The following FAM184A variants were observed in gnomAD, a reference collection of about 807,000 sequenced individuals.
FAM184A encodes the protein protein FAM184A.
A neutral mutation model predicts 143.8 loss-of-function variants in FAM184A; 99 were observed. The ratio of observed to expected loss-of-function variants is 0.69; its 90% CI spans 0.58 to 0.81. FAM184A has a LOEUF of 0.81. Among genes scored for constraint, FAM184A ranks in the 40% least tolerant of loss-of-function variants. The probability of loss-of-function intolerance (pLI) is 0.00; values close to 1 mark genes in which losing one functional copy is unlikely to be tolerated. For synonymous variants in FAM184A, 427 were observed against 446.4 expected, an observed-to-expected ratio of 0.96 and a Z score of 0.55; for missense variants, 1,217 against 1,310.5, an observed-to-expected ratio of 0.93 and a Z score of 1.10.
intron 1 of FAM184A, among the ~76,000 whole-genome samples, chr6:119,110,866 C>T (rs1232196314): frequency 1.3e-5 from 2 of 152,180 alleles, no homozygotes; most frequent in Non-Finnish European, 2.9e-5. Context: ...CAAAATTTAA[C>T]GCAGTAAAAA....
At chr6:119,133,874 C>G (rs1248770968) in intron 1 of FAM184A, among the ~76,000 whole-genome samples, 1 of 151,656 alleles carries the variant, frequency 6.6e-6, no homozygotes, top group Non-Finnish European at 1.5e-5. Flanking sequence ...CCAGGCTTGT[C>G]TCAAACTCAA....
intron 1 of FAM184A, among the ~76,000 whole-genome samples, chr6:119,141,640 C>G (rs1772240212): frequency 6.6e-6 from 1 of 152,084 alleles, no homozygotes. Context: ...CCATGCCCGG[C>G]TAGTTTTTGT....
In FAM184A at chr6:119,020,071, T is replaced by A. The variant is rs372823466; in HGVS notation, c.1239A>T (p.Arg413Ser). Residue 413 changes from arginine (R) to serine (S), a missense_variant, in exon 4 of 18, where the codon AGA becomes AGT. Arg to Ser is a moderately radical substitution (Grantham distance 110). Transcript: ENST00000338891. ...CTCTTTCCTCTTCAAGTTGAGATAA[T>A]CTCTCATTGACTCTCGATTTTTCTG... is the stretch of plus-strand genomic sequence containing the variant. ...LESEKSRVNERLSQLEEERAF... is the reference protein window; with the variant it reads ...LESEKSRVNESLSQLEEERAF... The A allele has an allele frequency of 1.2e-6, 2 of 1,610,398 alleles. No individual in the cohort carries two copies. The highest frequency in any genetic ancestry group is 1.7e-6 in the Non-Finnish European group (2 of 1,178,984).
At chr6:119,051,663 T>C (rs1172060364) in intron 1 of FAM184A, among the ~76,000 whole-genome samples, 1 of 151,708 alleles carries the variant, frequency 6.6e-6, no homozygotes. Context: ...ACCCACAAAA[T>C]TTTTTTTTAA....
intron 9 of FAM184A, among the ~76,000 whole-genome samples, chr6:119,001,589 T>C (rs946400614): frequency 6.6e-6 from 1 of 152,072 alleles, no homozygotes; most frequent in African/African-American, 2.4e-5. Flanking sequence ...AATTCAGAGA[T>C]GTATGGATGG....
chr6:119,012,296 C>G (rs1462968985), intron 5 of FAM184A, among the ~76,000 whole-genome samples: 1 of 152,040 alleles, frequency 6.6e-6, no homozygotes, highest in African/African-American at 2.4e-5. Context: ...GTCAGAGGAC[C>G]CCAAGACAAA....
In FAM184A at chr6:119,005,773, T is replaced by C. The variant is rs185206281; in HGVS notation, c.1815+674A>G. On this transcript the variant is annotated intron_variant, in intron 7 of 17. Transcript: ENST00000338891. The stretch of plus-strand genomic sequence containing the variant: ...CCTGGGTACTATACACCCAGTTTTA[T>C]GGATTCTTTTTCTCTACTATCTAAG... 2.6e-5 allele frequency: 7 copies of C among 266,126 alleles called. No homozygotes were observed. The Admixed American group carries it at 3.4e-4, about 13-fold the overall frequency. 16.5% of individuals were successfully genotyped at this position (266,126 alleles called of 1,614,324 possible).
Position 119,016,849 on chromosome 6 carries a change from G to A in FAM184A, c.1428C>T (p.Asn476=), listed in dbSNP as rs371486400. ...SRLEEEVTQL[N]EAHSKTLEEL... Reference sequence around the variant, plus strand: ...CTTCCAAAGTCTTAGAATGGGCCTCGTTTAATTGAGTCACCTCCTCTTCCA... The same window carrying A: ...CTTCCAAAGTCTTAGAATGGGCCTCATTTAATTGAGTCACCTCCTCTTCCA... Residue 476 remains asparagine, a synonymous_variant, in exon 5 of 18, where the codon AAC becomes AAT. Coordinates refer to ENST00000338891, the MANE Select transcript of FAM184A (RefSeq NM_024581.6). 1.0e-4 allele frequency: 167 copies of A among 1,613,776 alleles called. No individual in the cohort carries two copies. Among genetic ancestry groups the A allele is most frequent in the Middle Eastern group, 1.6e-4 (1 of 6,084 alleles).
At chr6:119,042,614 T>G (rs1466377361) in intron 1 of FAM184A, among the ~76,000 whole-genome samples, 1 of 152,212 alleles carries the variant, frequency 6.6e-6, no homozygotes, top group Non-Finnish European at 1.5e-5. Context: ...CAGAGGATTT[T>G]TAGGGCAGTG....
Position 118,964,822 on chromosome 6 carries a change from TA to T in FAM184A, c.3034-52del, listed in dbSNP as rs557050685. 229 of 968,718 alleles carry T rather than the reference TA, an allele frequency of 2.4e-4. 1 individual carries two copies. In the African/African-American group the frequency reaches 3.3e-3, roughly 14 times the overall value. The allele number at this position is 968,718 out of a possible 1,614,324, so 60.0% of individuals were successfully genotyped here. The stretch of plus-strand genomic sequence containing the variant: ...TTTAAATATTTTCTATGGAATATTT[TA>T]AAAACATAAATGTATAAACGCCATT... On this transcript the variant is annotated intron_variant, in intron 15 of 17. Transcript: ENST00000338891.
intron 9 of FAM184A, among the ~76,000 whole-genome samples, chr6:118,985,451 A>G (rs1468079705): frequency 6.6e-6 from 1 of 152,188 alleles, no homozygotes; most frequent in Non-Finnish European, 1.5e-5. Context: ...GATGTTTAAT[A>G]ATTTTTCCAG....
At chr6:119,006,068 G>C in intron 7 of FAM184A, 1 of 764,906 alleles carries the variant, frequency 1.3e-6, no homozygotes, top group Non-Finnish European at 2.4e-6. Flanking sequence ...TCAAACTGGA[G>C]TAGAATGAGC....
intron 1 of FAM184A, among the ~76,000 whole-genome samples, chr6:119,063,015 T>C (rs914772382): frequency 3.3e-5 from 5 of 152,180 alleles, no homozygotes; most frequent in Non-Finnish European, 5.9e-5. Context: ...CTAAAAGACA[T>C]TTAGATTGAA....
chr6:119,127,611 T>TG (rs1313865122), intron 1 of FAM184A, among the ~76,000 whole-genome samples: 1 of 152,204 alleles, frequency 6.6e-6, no homozygotes, highest in African/African-American at 2.4e-5. Context: ...TCTCTGGGTT[T>TG]GGAGCTGAGA....
chr6:119,023,592 C>T (rs1163459142), intron 2 of FAM184A, among the ~76,000 whole-genome samples: 6 of 120,506 alleles, frequency 5.0e-5, no homozygotes, highest in East Asian at 2.8e-4. Flanking sequence ...CCTCGCTAAG[C>T]TCACTCACCC....
chr6:119,091,942 G>T (rs1430860904), intron 1 of FAM184A, among the ~76,000 whole-genome samples: 3 of 152,154 alleles, frequency 2.0e-5, no homozygotes, highest in African/African-American at 7.2e-5. Context: ...CTATGTTGAT[G>T]GGTCCATTGC....
chr6:119,129,125 C>G (rs775666440), intron 1 of FAM184A, among the ~76,000 whole-genome samples: 51 of 152,198 alleles, frequency 3.4e-4, no homozygotes, highest in Non-Finnish European at 6.8e-4. Context: ...CCCTCTCTCC[C>G]AGATGTCGCA....
chr6:119,094,035 T>C (rs184350032), intron 1 of FAM184A, among the ~76,000 whole-genome samples: 2,432 of 123,322 alleles, frequency 0.02, 30 homozygotes, highest in Non-Finnish European at 0.029. Flanking sequence ...TTCTTTCCTT[T>C]CTTCCTTCCT....
intron 9 of FAM184A, among the ~76,000 whole-genome samples, chr6:119,001,110 C>CTATAATTG (rs1175425112): frequency 6.7e-6 from 1 of 148,244 alleles, no homozygotes; most frequent in Non-Finnish European, 1.5e-5. Flanking sequence ...ACTGGTCCTA[C>CTATAATTG]TATAATTTTT....
Sources: allele counts gnomAD v4.1 joint callset (sites outside exome capture counted in the v4.1 genomes callset), GRCh38; gene constraint gnomAD v4.1.1; transcripts MANE v1.5; gene names NCBI Gene and HGNC (gene_info 2026-07-23, HGNC 2026-07-21).